Variants in FAM227B observed in about 807,000 individuals in gnomAD.
FAM227B encodes family with sequence similarity 227 member B, also known as protein FAM227B.
FAM227B carries 88 observed loss-of-function variants against 73.8 expected under a neutral mutation model. The observed-to-expected ratio is 1.19, with a 90% CI of 1.00 to 1.42. The LOEUF is 1.42. Among genes scored for constraint, FAM227B ranks in the 40% most tolerant of loss-of-function variants. FAM227B has a pLI of 0.00. For synonymous variants in FAM227B, 210 were observed against 190.5 expected, an observed-to-expected ratio of 1.10 and a Z score of -0.84; for missense variants, 632 against 590.9, an observed-to-expected ratio of 1.07 and a Z score of -0.72.
intron 11 of FAM227B, among the ~76,000 whole-genome samples, chr15:49,453,904 C>T (rs1425269355): frequency 1.3e-5 from 2 of 152,092 alleles, no homozygotes; most frequent in African/African-American, 4.8e-5. Flanking sequence ...AAAGTGGAAG[C>T]CTTGCATTCC....
chr15:49,482,066 G>C (rs2055997114), intron 11 of FAM227B, among the ~76,000 whole-genome samples: 1 of 152,094 alleles, frequency 6.6e-6, no homozygotes, highest in African/African-American at 2.4e-5. Context: ...AATAGTTTTT[G>C]AAGGCCCAAT....
At position 49,510,116 on chromosome 15, in the gene FAM227B, G is replaced by A. The variant is rs184986674; in HGVS notation, c.875-1768C>T. 4.4e-3 allele frequency among the ~76,000 whole-genome samples: 670 copies of A among 152,094 alleles called. 10 individuals are homozygous for A. The highest frequency in any genetic ancestry group is 0.016 in the African/African-American group (644 of 41,502). On this transcript the variant is annotated intron_variant, in intron 10 of 15. Transcript: ENST00000299338. ...GTTACATTTTGATGTATTAATTTTA[G>A]GCATTCTATTGACGTCCAACTAGGG...
At chr15:49,571,580 C>A (rs2075107932) in intron 8 of FAM227B, among the ~76,000 whole-genome samples, 1 of 151,884 alleles carries the variant, frequency 6.6e-6, no homozygotes, top group Non-Finnish European at 1.5e-5. Flanking sequence ...ACTCAGTTAT[C>A]CCAACAACAG....
intron 14 of FAM227B, among the ~76,000 whole-genome samples, chr15:49,332,652 CTA>C (rs1343297656): frequency 6.6e-6 from 1 of 152,154 alleles, no homozygotes; most frequent in Non-Finnish European, 1.5e-5. Context: ...ATATATAAGA[CTA>C]TTAATTTCAC....
At chr15:49,553,868 A>G (rs1238967375) in intron 9 of FAM227B, among the ~76,000 whole-genome samples, 1 of 152,180 alleles carries the variant, frequency 6.6e-6, no homozygotes, top group African/African-American at 2.4e-5. Flanking sequence ...GGGGACCCCA[A>G]GAGCACAGCT....
intron 11 of FAM227B, among the ~76,000 whole-genome samples, chr15:49,416,262 A>C (rs981550596): frequency 1.3e-5 from 2 of 151,556 alleles, no homozygotes; most frequent in African/African-American, 4.8e-5. Context: ...AGGCCAGAAC[A>C]ACATCTGGCA....
At chr15:49,585,328 C>A (rs932682687) in intron 5 of FAM227B, among the ~76,000 whole-genome samples, 9 of 152,146 alleles carry the variant, frequency 5.9e-5, no homozygotes, top group Non-Finnish European at 1.2e-4. Context: ...TTGACCCAGC[C>A]ATCCCATTAC....
At chr15:49,375,902 CA>C (rs1335402193) in intron 11 of FAM227B, among the ~76,000 whole-genome samples, 1 of 151,890 alleles carries the variant, frequency 6.6e-6, no homozygotes. Flanking sequence ...ATTTTATAAC[CA>C]AACCTTGACA....
rs747848736 is a variant in FAM227B at position 49,568,350 on chromosome 15, A to T, written c.646-4T>A. ...AATCTTGGTTTTCTCTGTCAGGCTTAAAAAAATGTGTGAAATTAAAGTCAA... is the reference window on the plus strand; with the variant it reads ...AATCTTGGTTTTCTCTGTCAGGCTTTAAAAAATGTGTGAAATTAAAGTCAA... On this transcript the variant is annotated splice_region_variant and splice_polypyrimidine_tract_variant and intron_variant, in intron 8 of 15. Transcript: ENST00000299338. 2.4e-6 allele frequency: 3 copies of T among 1,248,908 alleles called. No homozygotes were observed. Among genetic ancestry groups the T allele is most frequent in the East Asian group, 5.1e-5 (1 of 19,750 alleles). The allele number at this position is 1,248,908 out of a possible 1,614,324, so 77.4% of individuals were successfully genotyped here.
At chr15:49,336,800 T>C (rs897558685) in intron 13 of FAM227B, among the ~76,000 whole-genome samples, 5 of 152,204 alleles carry the variant, frequency 3.3e-5, no homozygotes, top group African/African-American at 1.2e-4. Flanking sequence ...TGAATGATCC[T>C]GTCATCCAGG....
At chr15:49,452,047 ATT>A (rs1004537305) in intron 11 of FAM227B, among the ~76,000 whole-genome samples, 1 of 146,416 alleles carries the variant, frequency 6.8e-6, no homozygotes. Flanking sequence ...TACCAACCAG[ATT>A]TTTTTTTTTT....
intron 10 of FAM227B, among the ~76,000 whole-genome samples, chr15:49,534,695 T>C (rs1020729876): frequency 6.6e-6 from 1 of 151,818 alleles, no homozygotes; most frequent in East Asian, 1.9e-4. Flanking sequence ...ATAGACCATA[T>C]GTTAGGCCAC....
At position 49,464,900 on chromosome 15, in the gene FAM227B, T is replaced by C. The variant is rs77580514; in HGVS notation, c.1012+43311A>G. ...ATGAATAAATGAATAACGTAAGACATACATGACATACCTAAAAAACATTTT... is the reference window on the plus strand; with the variant it reads ...ATGAATAAATGAATAACGTAAGACACACATGACATACCTAAAAAACATTTT... On this transcript the variant is annotated intron_variant, in intron 11 of 15. Transcript: ENST00000299338. 8.0e-3 allele frequency among the ~76,000 whole-genome samples: 1,211 copies of C among 152,272 alleles called. 18 individuals are homozygous for C. Among genetic ancestry groups the C allele is most frequent in the African/African-American group, 0.028 (1,173 of 41,554 alleles).
At chr15:49,378,051 C>G (rs555264197) in intron 11 of FAM227B, among the ~76,000 whole-genome samples, 1 of 152,058 alleles carries the variant, frequency 6.6e-6, no homozygotes, top group African/African-American at 2.4e-5. Flanking sequence ...CAAGAGATAG[C>G]GGTGTAGTTT....
rs74012375 is a variant in FAM227B, at chr15:49,427,619, C to A, written c.1013-56220G>T. ...ATTCTTCTGGTTACCAAAAGAAAGT[C>A]CCCAATCTTTTCTCATGACTTTTTT... On this transcript the variant is annotated intron_variant, in intron 11 of 15. Transcript: ENST00000299338. Among the ~76,000 whole-genome samples the A allele has an allele frequency of 4.4e-3, 663 of 152,036 alleles. 10 individuals are homozygous for A. The highest frequency in any genetic ancestry group is 0.015 in the African/African-American group (633 of 41,512).
At chr15:49,365,557 G>C in intron 13 of FAM227B, 3 of 884,968 alleles carry the variant, frequency 3.4e-6, no homozygotes, top group South Asian at 2.6e-5. Context: ...ATTTTCAAAA[G>C]GTCCAGCTGC....
intron 11 of FAM227B, among the ~76,000 whole-genome samples, chr15:49,405,750 T>C (rs760614414): frequency 2.0e-5 from 3 of 152,220 alleles, no homozygotes; most frequent in Non-Finnish European, 4.4e-5. Flanking sequence ...ATTTCTGTCA[T>C]TTCAGCCATC....
chr15:49,358,659 A>G (rs376850151), intron 13 of FAM227B, among the ~76,000 whole-genome samples: 2 of 150,104 alleles, frequency 1.3e-5, no homozygotes, highest in South Asian at 2.1e-4. Flanking sequence ...ATGGCCATAC[A>G]GCCCAAGGTA....
At chr15:49,374,914 T>C (rs2046062946) in intron 11 of FAM227B, among the ~76,000 whole-genome samples, 1 of 152,216 alleles carries the variant, frequency 6.6e-6, no homozygotes, top group Non-Finnish European at 1.5e-5. Context: ...TTCAGATCTT[T>C]ATATGCATAC....
Sources: gnomAD v4.1 joint callset for allele counts (sites outside exome capture counted in the v4.1 genomes callset) on GRCh38, gnomAD v4.1.1 for gene constraint, MANE v1.5 for transcripts, NCBI Gene and HGNC (gene_info 2026-07-23, HGNC 2026-07-21) for gene names.